The following STPG2 variants were observed in gnomAD, a reference collection of about 807,000 sequenced individuals.
STPG2 encodes the protein sperm-tail PG-rich repeat-containing protein 2.
A neutral mutation model predicts 54.2 loss-of-function variants in STPG2; 56 were observed. The observed-to-expected ratio is 1.03, with a 90% CI of 0.83 to 1.29. The LOEUF (loss-of-function observed/expected upper bound fraction) is 1.29. STPG2 is among the 50% of genes most tolerant of loss of function. The pLI, the probability that STPG2 is intolerant of heterozygous loss-of-function variation, is 0.00. For missense variants in STPG2, 596 were observed against 544.9 expected (o/e 1.09, Z -0.93); for synonymous variants, 200 against 181.8 (o/e 1.10, Z -0.81).
rs137977531 is a variant in STPG2, at chr4:97,879,641, C to G, written c.1045-38709G>C. The stretch of plus-strand genomic sequence containing the variant: ...CTGCAACACATGGGAATTATGGGAG[C>G]TACAATTCAAGATAAGATTTGGTTG... On this transcript the variant is annotated intron_variant, in intron 8 of 10. Coordinates refer to ENST00000295268, the MANE Select transcript of STPG2 (RefSeq NM_174952.3). Among the ~76,000 whole-genome samples, 701 of 152,218 alleles carry G rather than the reference C, an allele frequency of 4.6e-3. 2 individuals are homozygous for G. The highest frequency in any genetic ancestry group is 0.016 in the African/African-American group (665 of 41,516).
intron 10 of STPG2, among the ~76,000 whole-genome samples, chr4:97,634,856 A>G (rs1190923774): frequency 6.6e-6 from 1 of 150,632 alleles, no homozygotes; most frequent in Non-Finnish European, 1.5e-5. Context: ...GACCAAATCT[A>G]CGTCTGATTG....
chr4:97,588,238 T>TAA lies in STPG2; in HGVS notation c.1321-29122_1321-29121insTT, dbSNP rs1733048947. ...GAGAAATAAATCAGAACTAGCTTCC[T>TAA]CAAAAGACTGATAAATTTGATTAAA... On this transcript the variant is annotated intron_variant, in intron 10 of 10. Transcript: ENST00000295268. 4.6e-5 allele frequency among the ~76,000 whole-genome samples: 7 copies of TAA among 151,710 alleles called. No homozygotes were observed. The South Asian group carries it at 1.5e-3, about 32-fold the overall frequency.
intron 5 of STPG2, among the ~76,000 whole-genome samples, chr4:98,081,428 A>AG (rs1317540286): frequency 1.3e-5 from 2 of 150,762 alleles, no homozygotes; most frequent in Non-Finnish European, 3.0e-5. Flanking sequence ...ATAAAAGCTA[A>AG]GGGGGTTCTC....
At chr4:98,013,787 T>C (rs985378536) in intron 5 of STPG2, among the ~76,000 whole-genome samples, 2 of 56,168 alleles carry the variant, frequency 3.6e-5, no homozygotes, top group African/African-American at 1.6e-4. Flanking sequence ...TGATGATTGT[T>C]TGTATTTCTG....
In STPG2 at chr4:97,531,011, A is replaced by G. The variant is rs1485583541; in HGVS notation, c.462+181688T>C. Among the ~76,000 whole-genome samples, 3 of 152,210 alleles carry G rather than the reference A, an allele frequency of 2.0e-5. No individual in the cohort carries two copies. The East Asian group carries it at 5.8e-4, about 29-fold the overall frequency. ...TAAGGAGCTCAAACAAATCTAGGAA[A>G]ATTTTATAATCTGATTTAAAAATGG... On this transcript the variant is annotated intron_variant, in intron 4 of 4. Transcript: ENST00000522676.
At chr4:97,723,717 A>G in intron 9 of STPG2, among the ~76,000 whole-genome samples, 1 of 152,148 alleles carries the variant, frequency 6.6e-6, no homozygotes, top group South Asian at 2.1e-4. Context: ...CCATGTGGCT[A>G]GGGAGGCCTC....
At chr4:97,784,193 T>C (rs901967907) in intron 9 of STPG2, among the ~76,000 whole-genome samples, 31 of 152,094 alleles carry the variant, frequency 2.0e-4, no homozygotes, top group African/African-American at 6.5e-4. Context: ...AAAATGAAGA[T>C]TATATGCTAT....
At chr4:97,934,512 C>T (rs953616584) in intron 8 of STPG2, among the ~76,000 whole-genome samples, 1 of 152,070 alleles carries the variant, frequency 6.6e-6, no homozygotes, top group African/African-American at 2.4e-5. Context: ...ATAAATGGCT[C>T]TTATTATTTT....
intron 7 of STPG2, among the ~76,000 whole-genome samples, chr4:97,971,140 A>G (rs900034791): frequency 2.0e-5 from 3 of 152,238 alleles, no homozygotes; most frequent in Admixed American, 2.0e-4. Flanking sequence ...GATCATTAAA[A>G]AGTCAGAAAA....
At chr4:97,457,908 AAAGAACTAAACTTTAAC>A (rs1729568867) in intron 4 of STPG2, among the ~76,000 whole-genome samples, 2 of 152,228 alleles carry the variant, frequency 1.3e-5, no homozygotes, top group African/African-American at 2.4e-5. Flanking sequence ...GGCAGTGATG[AAAGAACTAAACTTTAAC>A]ACTCATTGCA....
intron 9 of STPG2, among the ~76,000 whole-genome samples, chr4:97,771,872 T>C (rs549221799): frequency 6.6e-6 from 1 of 152,094 alleles, no homozygotes; most frequent in Non-Finnish European, 1.5e-5. Flanking sequence ...TGTGGAAAAG[T>C]AGGCTTGATC....
At chr4:97,843,523 T>C (rs1297122289) in intron 8 of STPG2, among the ~76,000 whole-genome samples, 1 of 151,944 alleles carries the variant, frequency 6.6e-6, no homozygotes, top group Non-Finnish European at 1.5e-5. Context: ...ATCATTGCCA[T>C]TGGCATTAAT....
In STPG2 at chr4:97,883,519, G is replaced by C. The variant is rs573422780; in HGVS notation, c.1045-42587C>G. 2.0e-5 allele frequency among the ~76,000 whole-genome samples: 3 copies of C among 152,148 alleles called. No homozygotes were observed. The South Asian group carries it at 6.2e-4, about 32-fold the overall frequency. On this transcript the variant is annotated intron_variant, in intron 8 of 10. Transcript: ENST00000295268. ...TGATAAAGCCTTTAGTGGAAAAGGT[G>C]ACTAACATGAATGGACAGATGAAGA...
chr4:97,859,941 A>G (rs551913160), intron 8 of STPG2, among the ~76,000 whole-genome samples: 5 of 152,310 alleles, frequency 3.3e-5, no homozygotes, highest in Middle Eastern at 3.4e-3. Context: ...TCTTCTACAT[A>G]TGACTTGCCA....
chr4:97,616,090 A>ATG (rs1383144935), intron 10 of STPG2, among the ~76,000 whole-genome samples: 5 of 84,890 alleles, frequency 5.9e-5, no homozygotes, highest in Middle Eastern at 7.0e-3. Context: ...ATATATATAT[A>ATG]TATATGTATG....
At chr4:97,704,983 T>G (rs912401425) in intron 10 of STPG2, among the ~76,000 whole-genome samples, 2 of 152,040 alleles carry the variant, frequency 1.3e-5, no homozygotes, top group Admixed American at 1.3e-4. Flanking sequence ...AATAAAACAC[T>G]GGGTGTTGCT....
At chr4:98,015,304 T>C (rs1417545765) in intron 5 of STPG2, among the ~76,000 whole-genome samples, 1 of 151,644 alleles carries the variant, frequency 6.6e-6, no homozygotes, top group Non-Finnish European at 1.5e-5. Context: ...TTGCAATATA[T>C]CCATCTGAAA....
intron 9 of STPG2, among the ~76,000 whole-genome samples, chr4:97,779,314 C>T (rs1215115180): frequency 6.6e-6 from 1 of 152,062 alleles, no homozygotes; most frequent in East Asian, 1.9e-4. Context: ...ATTCGATCAA[C>T]TGGAAGAAAG....
chr4:98,139,003 A>G (rs114845872), intron 1 of STPG2, among the ~76,000 whole-genome samples: 1 of 152,314 alleles, frequency 6.6e-6, no homozygotes, highest in Non-Finnish European at 1.5e-5. Context: ...TTATCACATT[A>G]TACTAGGCTG....
Sources: gnomAD v4.1 joint callset for allele counts (sites outside exome capture counted in the v4.1 genomes callset) on GRCh38, gnomAD v4.1.1 for gene constraint, MANE v1.5 for transcripts, NCBI Gene and HGNC (gene_info 2026-07-23, HGNC 2026-07-21) for gene names.